Variants in PLEKHA8 observed in about 807,000 individuals in gnomAD.
The protein encoded by PLEKHA8 is pleckstrin homology domain-containing family A member 8.
In PLEKHA8, 36 loss-of-function variants were observed where a neutral mutation model predicts 68.2. The ratio of observed to expected loss-of-function variants is 0.53; its 90% CI spans 0.40 to 0.70. The LOEUF is 0.70. Ranked by LOEUF, PLEKHA8 falls within the 30% of genes least tolerant of loss-of-function variation. The pLI is 0.00. For missense variants in PLEKHA8, 505 were observed against 615.4 expected (o/e 0.82, Z 1.90); for synonymous variants, 211 against 216.1 (o/e 0.98, Z 0.20).
At position 30,078,873 on chromosome 7, in the gene PLEKHA8, C is replaced by A; in HGVS notation, c.*86C>A. On this transcript the variant is annotated 3_prime_UTR_variant, in exon 14 of 14. Transcript: ENST00000449726. ...ACTTAATTTCCAGCAACAGCCTCAA[C>A]CCTCTCCAACCCCTTCACCTGGGGG... 1 of 1,487,944 alleles carries A rather than the reference C, an allele frequency of 6.7e-7. No homozygotes were observed. The highest frequency in any genetic ancestry group is 8.9e-7 in the Non-Finnish European group (1 of 1,119,626). The allele number at this position is 1,487,944 out of a possible 1,614,324, so 92.2% of individuals were successfully genotyped here.
chr7:30,079,132 G>A lies in PLEKHA8; in HGVS notation c.*345G>A, dbSNP rs1794794184. ...AGTCTAATGGGCCACCCAAACCCAAGCTGAAAATCAGCAAATTCCATATTA... is the reference window on the plus strand; with the variant it reads ...AGTCTAATGGGCCACCCAAACCCAAACTGAAAATCAGCAAATTCCATATTA... On this transcript the variant is annotated 3_prime_UTR_variant, in exon 14 of 14. Coordinates refer to ENST00000449726, the MANE Select transcript of PLEKHA8 (RefSeq NM_001197026.2). 9.8e-7 allele frequency: 1 copy of A among 1,021,452 alleles called. No homozygotes were observed. Among genetic ancestry groups the A allele is most frequent in the African/African-American group, 1.7e-5 (1 of 58,172 alleles). The allele number at this position is 1,021,452 out of a possible 1,614,324, so 63.3% of individuals were successfully genotyped here. A position where few individuals can be genotyped will look rare whatever the true frequency, so the allele number is the denominator to read the frequency against.
intron 13 of PLEKHA8, among the ~76,000 whole-genome samples, chr7:30,115,553 T>C (rs928993157): frequency 2.0e-5 from 1 of 50,636 alleles, no homozygotes; most frequent in African/African-American, 4.1e-5. Flanking sequence ...CATGCACGTA[T>C]ACATGTAGAC....
At chr7:30,088,395 T>C (rs992227623), downstream of PLEKHA8, among the ~76,000 whole-genome samples, 1 of 152,120 alleles carries the variant, frequency 6.6e-6, no homozygotes, top group African/African-American at 2.4e-5. Context: ...AGAAAAAATA[T>C]ATGTATCACT....
At chr7:30,100,117 A>G (rs1795794996) in intron 13 of PLEKHA8, among the ~76,000 whole-genome samples, 1 of 151,860 alleles carries the variant, frequency 6.6e-6, no homozygotes, top group South Asian at 2.1e-4. Context: ...GTGTCTCCAA[A>G]TCTCTCTCTC....
chr7:30,123,097 C>T (rs1213741546), intron 13 of PLEKHA8, among the ~76,000 whole-genome samples: 1 of 152,150 alleles, frequency 6.6e-6, no homozygotes, highest in East Asian at 1.9e-4. Context: ...ACAACTAGAA[C>T]CCACCTCTCC....
chr7:30,121,649 A>T (rs1054280073), intron 13 of PLEKHA8, among the ~76,000 whole-genome samples: 7 of 152,070 alleles, frequency 4.6e-5, no homozygotes, highest in Non-Finnish European at 8.8e-5. Context: ...CCTACAGTTT[A>T]TTGATTTCCT....
At chr7:30,112,105 G>A (rs536435928) in intron 13 of PLEKHA8, among the ~76,000 whole-genome samples, 3 of 152,226 alleles carry the variant, frequency 2.0e-5, no homozygotes, top group South Asian at 2.1e-4. Context: ...GACTTAAAAA[G>A]TATTTAGGGA....
At chr7:30,085,497 C>T (rs1347409967), downstream of PLEKHA8, among the ~76,000 whole-genome samples, 3 of 152,192 alleles carry the variant, frequency 2.0e-5, no homozygotes, top group African/African-American at 4.8e-5. Context: ...CTGTAGCAGA[C>T]GCTTTTTTGT....
rs545408206 is a variant in PLEKHA8 at position 30,082,327 on chromosome 7, C to A, written c.*3540C>A. On this transcript the variant is annotated 3_prime_UTR_variant, in exon 14 of 14. Coordinates refer to ENST00000449726, the MANE Select transcript of PLEKHA8 (RefSeq NM_001197026.2). ...GCCATCAGCACACCAAATCTACCCC[C>A]ACTTATGTTTGTTCTGCCCCATTTC... 2.0e-6 allele frequency: 2 copies of A among 985,480 alleles called. No individual in the cohort carries two copies. Among genetic ancestry groups the A allele is most frequent in the Non-Finnish European group, 2.4e-6 (2 of 830,074 alleles). The allele number at this position is 985,480 out of a possible 1,614,324, so 61.0% of individuals were successfully genotyped here.
chr7:30,029,058 G>C (rs946087408), intron 1 of PLEKHA8, among the ~76,000 whole-genome samples: 1 of 152,216 alleles, frequency 6.6e-6, no homozygotes, highest in African/African-American at 2.4e-5. Context: ...CTGAGATTTT[G>C]GGTGACTTGA....
rs149129343 is a variant in PLEKHA8, at chr7:30,070,882, G to A, written c.1301-3189G>A. On this transcript the variant is annotated intron_variant, in intron 12 of 13. Coordinates refer to ENST00000449726, the MANE Select transcript of PLEKHA8 (RefSeq NM_001197026.2). ...TTAAACAAGCATTCTGTCTAGCCAG[G>A]TGGGCCTTGGAGCTGGAGGCTCAGG... 3.4e-4 allele frequency among the ~76,000 whole-genome samples: 52 copies of A among 152,322 alleles called. 1 individual carries two copies. In the East Asian group the frequency reaches 6.8e-3, roughly 20 times the overall value.
intron 13 of PLEKHA8, among the ~76,000 whole-genome samples, chr7:30,105,724 C>T (rs1796030707): frequency 6.6e-6 from 1 of 152,164 alleles, no homozygotes; most frequent in Admixed American, 6.5e-5. Context: ...CATAAGTTTA[C>T]CGGCCACTCA....
chr7:30,064,873 T>C (rs558397967), intron 12 of PLEKHA8, among the ~76,000 whole-genome samples: 53 of 152,314 alleles, frequency 3.5e-4, no homozygotes, highest in African/African-American at 1.3e-3. Flanking sequence ...GCTATTACTT[T>C]GTTAGGGCTG....
At position 30,051,242 on chromosome 7, in the gene PLEKHA8, C is replaced by G. The variant is rs143966484; in HGVS notation, c.638+768C>G. On this transcript the variant is annotated intron_variant, in intron 6 of 13. Transcript: ENST00000449726. Reference sequence around the variant, plus strand: ...TCATCTCTTTATATACTATTGCTTACTTCTTTATTACAAGGATTGTTCCCA... The same window carrying G: ...TCATCTCTTTATATACTATTGCTTAGTTCTTTATTACAAGGATTGTTCCCA... Among the ~76,000 whole-genome samples the G allele has an allele frequency of 2.6e-5, 4 of 152,238 alleles. No homozygotes were observed. The East Asian group carries it at 7.7e-4, about 29-fold the overall frequency.
At chr7:30,116,285 T>C (rs142638188) in intron 13 of PLEKHA8, among the ~76,000 whole-genome samples, 3 of 151,722 alleles carry the variant, frequency 2.0e-5, no homozygotes, top group African/African-American at 7.3e-5. Context: ...TATGTATACA[T>C]GTATGTATTC....
intron 13 of PLEKHA8, among the ~76,000 whole-genome samples, chr7:30,105,007 T>C (rs1796007528): frequency 6.6e-6 from 1 of 152,070 alleles, no homozygotes; most frequent in Non-Finnish European, 1.5e-5. Context: ...ATTACAGGCA[T>C]GAGCCACTGC....
At chr7:30,109,200 T>A (rs1440039019) in intron 13 of PLEKHA8, among the ~76,000 whole-genome samples, 3 of 152,186 alleles carry the variant, frequency 2.0e-5, no homozygotes, top group Non-Finnish European at 4.4e-5. Context: ...TAATTTTAGA[T>A]GTATAAAAAA....
At position 30,061,924 on chromosome 7, in the gene PLEKHA8, A is replaced by G; in HGVS notation, c.1126A>G (p.Lys376Glu). 6.2e-7 allele frequency: 1 copy of G among 1,614,168 alleles called. No individual in the cohort carries two copies. Among genetic ancestry groups the G allele is most frequent in the Non-Finnish European group, 8.5e-7 (1 of 1,180,006 alleles). The change falls in exon 11 of 14, where the codon AAA becomes GAA. Residue 376 changes from lysine to glutamate, a missense_variant. By Grantham distance (56) the Lys-to-Glu change is moderately conservative. Coordinates refer to ENST00000449726, the MANE Select transcript of PLEKHA8 (RefSeq NM_001197026.2). ...KKVNQKYITN[K>E]EEFTTLQKIV... ...AGTAAATCAGAAGTATATAACCAAC[A>G]AAGAAGAGTTTACCACTCTCCAGAA...
At chr7:30,036,919 T>G (rs1282340349) in intron 1 of PLEKHA8, among the ~76,000 whole-genome samples, 1 of 152,168 alleles carries the variant, frequency 6.6e-6, no homozygotes, top group Non-Finnish European at 1.5e-5. Flanking sequence ...TCTTCCCTCC[T>G]CCCTAGCTAC....
Sources: allele counts gnomAD v4.1 joint callset (sites outside exome capture counted in the v4.1 genomes callset), GRCh38; gene constraint gnomAD v4.1.1; transcripts MANE v1.5; gene names NCBI Gene and HGNC (gene_info 2026-07-23, HGNC 2026-07-21).